Variants in SLC5A7 observed in about 807,000 individuals in gnomAD.
SLC5A7 encodes the protein high affinity choline transporter 1.
A neutral mutation model predicts 55.4 loss-of-function variants in SLC5A7; 19 were observed. That is an observed-to-expected ratio of 0.34 (90% CI 0.24 to 0.50). SLC5A7 has a LOEUF of 0.50. Among genes scored for constraint, SLC5A7 ranks in the 20% least tolerant of loss-of-function variants. SLC5A7 has a pLI of 0.98. For missense variants in SLC5A7, 506 were observed against 705.3 expected (o/e 0.72, Z 3.20); for synonymous variants, 265 against 263.7 (o/e 1.00, Z -0.05).
At position 108,011,042 on chromosome 2, in the gene SLC5A7, C is replaced by A; in HGVS notation, c.*181C>A. The stretch of plus-strand genomic sequence containing the variant: ...AGCTAGAAGGAAGCACCTATGAAAG[C>A]AACAACTTTGTTTCTCATCCATAGT... On this transcript the variant is annotated 3_prime_UTR_variant, in exon 9 of 9. Coordinates refer to ENST00000264047, the MANE Select transcript of SLC5A7 (RefSeq NM_021815.5). 1.9e-6 allele frequency: 1 copy of A among 532,102 alleles called. No homozygotes were observed. The highest frequency in any genetic ancestry group is 3.0e-6 in the Non-Finnish European group (1 of 334,368). The allele number at this position is 532,102 out of a possible 1,614,324, so 33.0% of individuals were successfully genotyped here. A position where few individuals can be genotyped will look rare whatever the true frequency, so the allele number is the denominator to read the frequency against.
intron 4 of SLC5A7, among the ~76,000 whole-genome samples, chr2:107,993,949 T>C (rs778516995): frequency 1.4e-4 from 21 of 152,332 alleles, no homozygotes; most frequent in Admixed American, 2.6e-4. Context: ...AAAATTTAAG[T>C]ATGGTAGAAT....
chr2:108,008,796 G>C, intron 8 of SLC5A7, 114 bp downstream of exon 8: 2 of 709,280 alleles, frequency 2.8e-6, no homozygotes, highest in Non-Finnish European at 4.2e-6. Flanking sequence ...TGTTAAATCT[G>C]ACTGTACTTT....
Position 108,002,150 on chromosome 2 carries a change from A to G in SLC5A7, c.741+110A>G, listed in dbSNP as rs2104365074. 5 of 1,281,590 alleles carry G rather than the reference A, an allele frequency of 3.9e-6. No individual in the cohort carries two copies. The South Asian group carries it at 5.8e-5, about 15-fold the overall frequency. The allele number at this position is 1,281,590 out of a possible 1,614,324, so 79.4% of individuals were successfully genotyped here. A position where few individuals can be genotyped will look rare whatever the true frequency, so the allele number is the denominator to read the frequency against. On this transcript the variant is annotated intron_variant, in intron 6 of 8. Transcript: ENST00000264047. ...AAAATGTGCTTGTGGGCTCATGGCCATTTCTGAATTGAGGACTCTCTATCG... is the reference window on the plus strand; with the variant it reads ...AAAATGTGCTTGTGGGCTCATGGCCGTTTCTGAATTGAGGACTCTCTATCG...
rs1677471616 is a variant in SLC5A7 at position 107,992,035 on chromosome 2, C to G, written c.179-71C>G. 5.6e-6 allele frequency: 5 copies of G among 886,390 alleles called. No individual in the cohort carries two copies. In the South Asian group the frequency reaches 8.5e-5, roughly 15 times the overall value. The allele number at this position is 886,390 out of a possible 1,614,324, so 54.9% of individuals were successfully genotyped here. On this transcript the variant is annotated intron_variant, in intron 2 of 8. Coordinates refer to ENST00000264047, the MANE Select transcript of SLC5A7 (RefSeq NM_021815.5). ...GGTGCTCAGTAACTTCTAGTAGCCACTGGTTTGGCAGGCAGATGTAGGTAT... is the reference window on the plus strand; with the variant it reads ...GGTGCTCAGTAACTTCTAGTAGCCAGTGGTTTGGCAGGCAGATGTAGGTAT...
At chr2:107,998,787 A>C (rs566217058) in intron 5 of SLC5A7, among the ~76,000 whole-genome samples, 1 of 152,228 alleles carries the variant, frequency 6.6e-6, no homozygotes, top group Non-Finnish European at 1.5e-5. Flanking sequence ...CAAAGGCCAC[A>C]GACTGAGCAA....
chr2:108,004,965 G>A (rs1278006341), intron 6 of SLC5A7, among the ~76,000 whole-genome samples: 10 of 151,964 alleles, frequency 6.6e-5, no homozygotes, highest in Admixed American at 5.9e-4. Context: ...GCAACAAATT[G>A]CATTATAGTT....
rs908357490 is a variant in SLC5A7, at chr2:108,011,830, C to A, written c.*969C>A. The A allele has an allele frequency of 4.6e-5, 7 of 152,052 alleles. No homozygotes were observed. Among genetic ancestry groups the A allele is most frequent in the Non-Finnish European group, 8.8e-5 (6 of 67,980 alleles). 9.4% of individuals were successfully genotyped at this position (152,052 alleles called of 1,614,324 possible). A position where few individuals can be genotyped will look rare whatever the true frequency, so the allele number is the denominator to read the frequency against. On this transcript the variant is annotated 3_prime_UTR_variant, in exon 9 of 9. Coordinates refer to ENST00000264047, the MANE Select transcript of SLC5A7 (RefSeq NM_021815.5). Reference sequence around the variant, plus strand: ...AAATTTACGTATATTTCATTGAATACTTTATGGGAAGCCTCCACAACACCT... The same window carrying A: ...AAATTTACGTATATTTCATTGAATAATTTATGGGAAGCCTCCACAACACCT...
At chr2:108,000,655 C>T (rs1354338132) in intron 5 of SLC5A7, among the ~76,000 whole-genome samples, 1 of 151,992 alleles carries the variant, frequency 6.6e-6, no homozygotes, top group Non-Finnish European at 1.5e-5. Flanking sequence ...AGTGCAGTGG[C>T]TCAATTACCA....
rs778941657 is a variant in SLC5A7 at position 107,988,257 on chromosome 2, C to T, written c.102C>T (p.Ser34=). 6 of 1,614,062 alleles carry T rather than the reference C, an allele frequency of 3.7e-6. No homozygotes were observed. The highest frequency in any genetic ancestry group is 2.2e-5 in the South Asian group (2 of 91,066). Residue 34 remains serine (S), a synonymous_variant, in exon 2 of 9, where the codon AGC becomes AGT. Coordinates refer to ENST00000264047, the MANE Select transcript of SLC5A7 (RefSeq NM_021815.5). Reference sequence around the variant, plus strand: ...CCTGGAGAACCAAAAACAGTGGCAGCGCAGAAGAGCGCAGCGAAGCCATCA... The same window carrying T: ...CCTGGAGAACCAAAAACAGTGGCAGTGCAGAAGAGCGCAGCGAAGCCATCA... ...WAAWRTKNSG[S]AEERSEAIIV... is the part of the protein sequence containing the mutation.
chr2:108,005,840 G>A (rs894803512), intron 6 of SLC5A7, among the ~76,000 whole-genome samples: 1 of 152,014 alleles, frequency 6.6e-6, no homozygotes, highest in Non-Finnish European at 1.5e-5. Context: ...ATCACCTTGG[G>A]GATCAAAATT....
At chr2:107,990,048 T>C (rs1281444410) in intron 2 of SLC5A7, among the ~76,000 whole-genome samples, 2 of 152,194 alleles carry the variant, frequency 1.3e-5, no homozygotes, top group African/African-American at 4.8e-5. Flanking sequence ...ATCTGAACCA[T>C]ACTACCTAAC....
chr2:107,996,669 A>G (rs1677683232), intron 4 of SLC5A7, among the ~76,000 whole-genome samples: 1 of 152,234 alleles, frequency 6.6e-6, no homozygotes, highest in African/African-American at 2.4e-5. Context: ...ATGAACTGTC[A>G]GTCCAAGAAC....
In SLC5A7 at chr2:107,999,345, T is replaced by C. The variant is rs1573603088; in HGVS notation, c.597+1359T>C. Among the ~76,000 whole-genome samples the C allele has an allele frequency of 2.0e-5, 3 of 152,316 alleles. No individual in the cohort carries two copies. The East Asian group carries it at 5.8e-4, about 29-fold the overall frequency. On this transcript the variant is annotated intron_variant, in intron 5 of 8. Coordinates refer to ENST00000264047, the MANE Select transcript of SLC5A7 (RefSeq NM_021815.5). ...GTTGGTTTGGCAATGACAGCTCTCA[T>C]AACTGATGCACTAGGTATTCCAAGA...
chr2:108,006,178 A>C lies in SLC5A7; in HGVS notation c.871A>C (p.Ile291Leu). ...GGTGATGGCCATCCCAGCCATACTC[A>C]TTGGGGCCATTGGAGCATCAACAGG... The part of the protein sequence containing the change: ...CLVMAIPAIL[I>L]GAIGASTDWN... The change falls in exon 7 of 9, where the codon ATT becomes CTT. Residue 291 changes from isoleucine (I) to leucine (L), a missense_variant. Ile to Leu is a conservative substitution (Grantham distance 5). This residue lies in a region of SLC5A7 where 309 missense variants were observed against 478.6 expected (regional missense o/e 0.65). Coordinates refer to ENST00000264047, the MANE Select transcript of SLC5A7 (RefSeq NM_021815.5). 6.2e-7 allele frequency: 1 copy of C among 1,613,820 alleles called. No individual in the cohort carries two copies. The highest frequency in any genetic ancestry group is 8.5e-7 in the Non-Finnish European group (1 of 1,179,952).
At chr2:107,993,950 A>G (rs17036602) in intron 4 of SLC5A7, among the ~76,000 whole-genome samples, 3,576 of 152,338 alleles carry the variant, frequency 0.023, 129 homozygotes, top group African/African-American at 0.082. Flanking sequence ...AAATTTAAGT[A>G]TGGTAGAATA....
At chr2:108,009,657 C>G in intron 8 of SLC5A7, among the ~76,000 whole-genome samples, 1 of 152,118 alleles carries the variant, frequency 6.6e-6, no homozygotes, top group South Asian at 2.1e-4. Flanking sequence ...CTTTTTATGG[C>G]CACATAGTAT....
intron 5 of SLC5A7, among the ~76,000 whole-genome samples, chr2:108,000,659 A>G (rs954435222): frequency 6.6e-6 from 1 of 151,984 alleles, no homozygotes; most frequent in African/African-American, 2.4e-5. Context: ...CAGTGGCTCA[A>G]TTACCACTTA....
At chr2:107,994,040 C>T (rs771989813) in intron 4 of SLC5A7, among the ~76,000 whole-genome samples, 3 of 152,152 alleles carry the variant, frequency 2.0e-5, no homozygotes, top group Non-Finnish European at 2.9e-5. Flanking sequence ...AGCGTCTCCT[C>T]GACTCCAATC....
intron 6 of SLC5A7, among the ~76,000 whole-genome samples, chr2:108,004,688 T>G (rs769401821): frequency 3.3e-5 from 5 of 152,190 alleles, no homozygotes; most frequent in Non-Finnish European, 7.3e-5. Context: ...CACTCACCTC[T>G]CATCATACCA....
Sources: gnomAD v4.1 joint callset for allele counts (sites outside exome capture counted in the v4.1 genomes callset) on GRCh38, gnomAD v4.1.1 for gene constraint, gnomAD v4.1.1 regional missense constraint, MANE v1.5 for transcripts, NCBI Gene and HGNC (gene_info 2026-07-23, HGNC 2026-07-21) for gene names.